MYO1D: variants seen among roughly 807,000 people sequenced by gnomAD.
MYO1D encodes the protein unconventional myosin-Id.
MYO1D carries 83 observed loss-of-function variants against 122.0 expected under a neutral mutation model. The observed-to-expected ratio is 0.68, with a 90% CI of 0.57 to 0.82. The LOEUF (loss-of-function observed/expected upper bound fraction) is 0.82. Ranked by LOEUF, MYO1D falls within the 40% of genes least tolerant of loss-of-function variation. The pLI, the probability that MYO1D is intolerant of heterozygous loss-of-function variation, is 0.00. For missense variants in MYO1D, 1,157 were observed against 1,269.5 expected (o/e 0.91, Z 1.35); for synonymous variants, 464 against 446.9 (o/e 1.04, Z -0.48).
At chr17:32,511,216 C>T (rs1016727264) in intron 21 of MYO1D, among the ~76,000 whole-genome samples, 3 of 151,060 alleles carry the variant, frequency 2.0e-5, no homozygotes, top group Admixed American at 6.6e-5. Context: ...AAACTTCTCT[C>T]GCTCACTCTG....
intron 16 of MYO1D, among the ~76,000 whole-genome samples, chr17:32,661,068 C>A (rs2729338): frequency 0.71 from 107,665 of 152,012 alleles, 38,230 homozygotes; most frequent in Middle Eastern, 0.78. Flanking sequence ...TTTTGGTTAG[C>A]TTCTTTAGCA....
In MYO1D at chr17:32,524,894, GGTCTCGCTATGTT is replaced by G. The variant is rs1455881744; in HGVS notation, c.2865-29992_2865-29980del. Among the ~76,000 whole-genome samples the G allele has an allele frequency of 2.0e-5, 3 of 152,204 alleles. No individual in the cohort carries two copies. In the East Asian group the frequency reaches 5.8e-4, roughly 29 times the overall value. ...TTCTTTTAATTTTTAGTAGAGATAA[GGTCTCGCTATGTT>G]GCCCAGGTTGGTCTTAAACTCCTGG... On this transcript the variant is annotated intron_variant, in intron 21 of 21. Coordinates refer to ENST00000318217, the MANE Select transcript of MYO1D (RefSeq NM_015194.3).
At chr17:32,652,096 T>C (rs1406932825) in intron 19 of MYO1D, among the ~76,000 whole-genome samples, 1 of 151,880 alleles carries the variant, frequency 6.6e-6, no homozygotes, top group Non-Finnish European at 1.5e-5. Context: ...AACCTGTACA[T>C]CTCTCTCTCT....
At chr17:32,602,337 A>G (rs189449386) in intron 21 of MYO1D, among the ~76,000 whole-genome samples, 131 of 152,326 alleles carry the variant, frequency 8.6e-4, no homozygotes, top group African/African-American at 2.4e-3. Flanking sequence ...GATGTCAGAC[A>G]TTGTGAATTT....
chr17:32,842,912 G>A (rs1374261633), intron 1 of MYO1D, among the ~76,000 whole-genome samples: 1 of 117,164 alleles, frequency 8.5e-6, no homozygotes, highest in South Asian at 2.8e-4. Flanking sequence ...TTTTTGAGAT[G>A]GAGTCTCGCT....
intron 8 of MYO1D, among the ~76,000 whole-genome samples, chr17:32,762,166 G>C (rs964122520): frequency 2.6e-5 from 4 of 151,898 alleles, no homozygotes; most frequent in Non-Finnish European, 5.9e-5. Flanking sequence ...CAAGAGAGGA[G>C]AGAAGAGCAG....
rs1026164499 is a variant in MYO1D at position 32,780,663 on chromosome 17, C to T, written c.217G>A (p.Glu73Lys). The T allele has an allele frequency of 6.2e-7, 1 of 1,614,138 alleles. No individual in the cohort carries two copies. The highest frequency in any genetic ancestry group is 1.3e-5 in the African/African-American group (1 of 75,002). The change falls in exon 2 of 22, where the codon GAG becomes AAG. Residue 73 changes from glutamate to lysine, a missense_variant. By Grantham distance (56) the Glu-to-Lys change is moderately conservative. Transcript: ENST00000318217. ...IEQYKGRELYERPPHLFAIAD... is the reference protein window; with the variant it reads ...IEQYKGRELYKRPPHLFAIAD... ...ATAGCAAAAAGGTGAGGCGGTCTCT[C>T]ATACAGCTCACGGCCTTTATACTGC... is the stretch of plus-strand genomic sequence containing the variant.
chr17:32,544,749 T>C (rs1156497236), intron 21 of MYO1D, among the ~76,000 whole-genome samples: 1 of 152,160 alleles, frequency 6.6e-6, no homozygotes, highest in Non-Finnish European at 1.5e-5. Flanking sequence ...GGCAGTTGCT[T>C]TCCTTATTTT....
chr17:32,827,766 T>C (rs901072898), intron 1 of MYO1D, among the ~76,000 whole-genome samples: 2 of 152,046 alleles, frequency 1.3e-5, no homozygotes, highest in African/African-American at 4.8e-5. Context: ...GGTCAGTGAC[T>C]ATGTACACAA....
intron 1 of MYO1D, among the ~76,000 whole-genome samples, chr17:32,838,090 A>AT (rs1168440506): frequency 6.6e-6 from 1 of 152,070 alleles, no homozygotes; most frequent in African/African-American, 2.4e-5. Context: ...GCTTAGAAAT[A>AT]TTTTTTCCCT....
chr17:32,868,492 C>T (rs1002232015), intron 1 of MYO1D, among the ~76,000 whole-genome samples: 3 of 151,888 alleles, frequency 2.0e-5, no homozygotes, highest in African/African-American at 7.3e-5. Context: ...TCCTTGCCCC[C>T]CAAACAAAAT....
intron 16 of MYO1D, among the ~76,000 whole-genome samples, chr17:32,676,068 G>T (rs1250522093): frequency 6.6e-6 from 1 of 152,020 alleles, no homozygotes; most frequent in Non-Finnish European, 1.5e-5. Flanking sequence ...TTTTTGGAGT[G>T]ATATATGCAG....
At chr17:32,733,141 G>C (rs1363047187) in intron 14 of MYO1D, among the ~76,000 whole-genome samples, 1 of 152,174 alleles carries the variant, frequency 6.6e-6, no homozygotes, top group Non-Finnish European at 1.5e-5. Flanking sequence ...TGGAATCCAG[G>C]CTGGTAGGGC....
At chr17:32,536,820 G>T (rs1910678829) in intron 21 of MYO1D, among the ~76,000 whole-genome samples, 2 of 152,138 alleles carry the variant, frequency 1.3e-5, no homozygotes, top group Non-Finnish European at 2.9e-5. Context: ...TTCCTTTTAA[G>T]CTTTATTACC....
intron 14 of MYO1D, among the ~76,000 whole-genome samples, chr17:32,729,427 G>T (rs1300584658): frequency 6.6e-6 from 1 of 152,094 alleles, no homozygotes; most frequent in Non-Finnish European, 1.5e-5. Context: ...ATGAACTGAA[G>T]GCACTATGGA....
chr17:32,816,380 G>A (rs2090613702), intron 1 of MYO1D, among the ~76,000 whole-genome samples: 1 of 152,164 alleles, frequency 6.6e-6, no homozygotes, highest in African/African-American at 2.4e-5. Context: ...TAAGGGTTAG[G>A]CAGCTAAAGA....
intron 21 of MYO1D, among the ~76,000 whole-genome samples, chr17:32,573,519 TTTC>T (rs1418513855): frequency 6.6e-6 from 1 of 151,558 alleles, no homozygotes; most frequent in African/African-American, 2.4e-5. Context: ...CTGTGCTGTT[TTTC>T]TTCTTTTTTT....
intron 21 of MYO1D, among the ~76,000 whole-genome samples, chr17:32,589,815 C>A (rs922054313): frequency 9.9e-5 from 15 of 152,168 alleles, no homozygotes; most frequent in African/African-American, 3.4e-4. Flanking sequence ...AGGGAAGCTA[C>A]AAAAGCTAAA....
At chr17:32,755,785 C>T (rs1166316723) in intron 10 of MYO1D, 123 bp from the exon 11 acceptor site, 2 of 738,648 alleles carry the variant, frequency 2.7e-6, no homozygotes, top group African/African-American at 3.6e-5. Flanking sequence ...GTGTGAATAA[C>T]ATTAAAGAGG....
Sources: gnomAD v4.1 joint callset for allele counts (sites outside exome capture counted in the v4.1 genomes callset) on GRCh38, gnomAD v4.1.1 for gene constraint, MANE v1.5 for transcripts, NCBI Gene and HGNC (gene_info 2026-07-23, HGNC 2026-07-21) for gene names.